The following AKAP7 variants were observed in gnomAD, a reference collection of about 807,000 sequenced individuals.
The protein encoded by AKAP7 is A-kinase anchoring protein 7, also known as A kinase (PRKA) anchor protein 7.
In AKAP7, 39 loss-of-function variants were observed where a neutral mutation model predicts 39.5. The ratio of observed to expected loss-of-function variants is 0.99; its 90% CI spans 0.76 to 1.29. AKAP7 has a LOEUF of 1.29. Ranked by LOEUF, AKAP7 falls within the 50% of genes most tolerant of loss-of-function variation. AKAP7 has a pLI of 0.00. For missense variants in AKAP7, 414 were observed against 407.7 expected (o/e 1.02, Z -0.13); for synonymous variants, 140 against 139.1 (o/e 1.01, Z -0.05).
At chr6:131,167,561 C>T (rs1803630041) in intron 4 of AKAP7, among the ~76,000 whole-genome samples, 1 of 152,132 alleles carries the variant, frequency 6.6e-6, no homozygotes, top group South Asian at 2.1e-4. Flanking sequence ...AAAGTATGTG[C>T]ACTGTTTGGA....
intron 4 of AKAP7, among the ~76,000 whole-genome samples, chr6:131,166,614 C>A (rs1261679327): frequency 1.3e-5 from 2 of 152,114 alleles, no homozygotes; most frequent in African/African-American, 4.8e-5. Context: ...TTAGGAGACT[C>A]CAGTCTTTTC....
intron 1 of AKAP7, among the ~76,000 whole-genome samples, chr6:131,138,779 G>T (rs144957145): frequency 6.6e-6 from 1 of 152,300 alleles, no homozygotes; most frequent in African/African-American, 2.4e-5. Context: ...CCATAGTGTG[G>T]TTGTGTGGAT....
intron 5 of AKAP7, chr6:131,184,540 G>C (rs1437912033): frequency 4.2e-6 from 3 of 716,098 alleles, no homozygotes; most frequent in Non-Finnish European, 7.8e-6. Context: ...ATTGCCAGCA[G>C]TATGTCTTCA....
chr6:131,244,731 T>C (rs1208444928), intron 7 of AKAP7, among the ~76,000 whole-genome samples: 1 of 152,208 alleles, frequency 6.6e-6, no homozygotes, highest in Non-Finnish European at 1.5e-5. Flanking sequence ...TGGTGAAGAA[T>C]AAGGACTTCT....
At chr6:131,131,382 G>A (rs1361884403), upstream of AKAP7, among the ~76,000 whole-genome samples, 1 of 152,040 alleles carries the variant, frequency 6.6e-6, no homozygotes, top group African/African-American at 2.4e-5. Context: ...GCTTCAAGAT[G>A]GCGCCACTCT....
chr6:131,166,492 G>T (rs1007013872), intron 4 of AKAP7, among the ~76,000 whole-genome samples: 10 of 152,200 alleles, frequency 6.6e-5, no homozygotes, highest in African/African-American at 2.4e-4. Context: ...TTATTTTAAA[G>T]AATTGTCTCC....
At position 131,148,035 on chromosome 6, in the gene AKAP7, G is replaced by T. The variant is rs529771314; in HGVS notation, c.151+2619G>T. Among the ~76,000 whole-genome samples the T allele has an allele frequency of 3.3e-5, 5 of 152,336 alleles. No homozygotes were observed. The East Asian group carries it at 7.7e-4, about 23-fold the overall frequency. ...GGGACCAGAAAGAAGGAAGGGGCTG[G>T]ATGTGTTTGTGGCATGCATTTCATT... On this transcript the variant is annotated intron_variant, in intron 2 of 7. Transcript: ENST00000431975.
At chr6:131,206,459 G>A (rs1808105077) in intron 6 of AKAP7, among the ~76,000 whole-genome samples, 1 of 152,072 alleles carries the variant, frequency 6.6e-6, no homozygotes, top group Non-Finnish European at 1.5e-5. Flanking sequence ...CATTGGACCT[G>A]ATGATGATGA....
chr6:131,256,336 A>G (rs1308402629), intron 7 of AKAP7, among the ~76,000 whole-genome samples: 1 of 152,216 alleles, frequency 6.6e-6, no homozygotes, highest in Admixed American at 6.5e-5. Context: ...AATCAAGTAA[A>G]GGAACATTAG....
chr6:131,159,357 T>C (rs1265514501), intron 2 of AKAP7, among the ~76,000 whole-genome samples: 2 of 152,092 alleles, frequency 1.3e-5, no homozygotes, highest in Admixed American at 1.3e-4. Context: ...CCTCCCAAAG[T>C]GCTGGGATTA....
chr6:131,201,498 TGTCAGATGAGTAG>T (rs1490695184), intron 6 of AKAP7, among the ~76,000 whole-genome samples: 1 of 152,202 alleles, frequency 6.6e-6, no homozygotes, highest in East Asian at 1.9e-4. Flanking sequence ...ATTAGCCCTT[TGTCAGATGAGTAG>T]GTTGTGAAAA....
intron 6 of AKAP7, among the ~76,000 whole-genome samples, chr6:131,205,713 C>G (rs1314355489): frequency 6.6e-6 from 1 of 152,070 alleles, no homozygotes; most frequent in Non-Finnish European, 1.5e-5. Context: ...TTTCTAACAC[C>G]AGGAGACATT....
At chr6:131,129,397 C>T in the AKAP7 span, among the ~76,000 whole-genome samples, 1 of 151,792 alleles carries the variant, frequency 6.6e-6, no homozygotes, top group Non-Finnish European at 1.5e-5. Context: ...GCTTATGATG[C>T]CATAATGTGA....
intron 1 of AKAP7, among the ~76,000 whole-genome samples, chr6:131,136,424 G>A (rs150141821): frequency 5.5e-4 from 84 of 152,338 alleles, no homozygotes; most frequent in Non-Finnish European, 1.1e-3. Flanking sequence ...TAAACTCATA[G>A]AAGAGTATAA....
At chr6:131,162,093 A>G (rs891035828) in intron 3 of AKAP7, among the ~76,000 whole-genome samples, 3 of 152,200 alleles carry the variant, frequency 2.0e-5, no homozygotes, top group East Asian at 3.9e-4. Context: ...CATCACCCCC[A>G]TGTCTGCCCT....
At chr6:131,250,905 G>A (rs1044106331) in intron 7 of AKAP7, among the ~76,000 whole-genome samples, 1 of 152,142 alleles carries the variant, frequency 6.6e-6, no homozygotes, top group African/African-American at 2.4e-5. Context: ...CTACATTAGA[G>A]TCAGAGTTTA....
intron 7 of AKAP7, among the ~76,000 whole-genome samples, chr6:131,257,614 C>T (rs1171198380): frequency 6.6e-6 from 1 of 152,246 alleles, no homozygotes; most frequent in East Asian, 1.9e-4. Context: ...GCAAAGTCAA[C>T]CATGATCTTC....
chr6:131,260,649 GGTTT>G (rs980863524), intron 7 of AKAP7, among the ~76,000 whole-genome samples: 1 of 151,848 alleles, frequency 6.6e-6, no homozygotes, highest in Non-Finnish European at 1.5e-5. Context: ...TTAATGGGGT[GGTTT>G]GTTTTTTTCT....
chr6:131,191,487 A>G (rs1237662442), intron 5 of AKAP7, among the ~76,000 whole-genome samples: 1 of 152,072 alleles, frequency 6.6e-6, no homozygotes, highest in African/African-American at 2.4e-5. Flanking sequence ...GCTACCCAGC[A>G]TCTAAATTTT....
Sources: gnomAD v4.1 joint callset for allele counts (sites outside exome capture counted in the v4.1 genomes callset) on GRCh38, gnomAD v4.1.1 for gene constraint, MANE v1.5 for transcripts, NCBI Gene and HGNC (gene_info 2026-07-23, HGNC 2026-07-21) for gene names.